The following SH3BGRL2 variants were observed in gnomAD, a reference collection of about 807,000 sequenced individuals.
The protein encoded by SH3BGRL2 is SH3 domain binding glutamate rich protein like 2, also known as SH3 domain-binding glutamic acid-rich-like protein 2.
Under a neutral mutation model 14.8 loss-of-function variants are expected in SH3BGRL2, and 21 were observed. The observed-to-expected ratio is 1.42, with a 90% CI of 1.01 to 2.05. The LOEUF is 2.05. Ranked by LOEUF, SH3BGRL2 falls within the 30% of genes most tolerant of loss-of-function variation. The pLI, the probability that SH3BGRL2 is intolerant of heterozygous loss-of-function variation, is 0.00. For missense variants in SH3BGRL2, 147 were observed against 130.8 expected, an observed-to-expected ratio of 1.12 and a Z score of -0.61; for synonymous variants, 50 against 47.8, an observed-to-expected ratio of 1.05 and a Z score of -0.19.
At chr6:79,581,523 A>G in the SH3BGRL2 span, among the ~76,000 whole-genome samples, 1 of 152,202 alleles carries the variant, frequency 6.6e-6, no homozygotes, top group Admixed American at 6.5e-5. Context: ...ACATAAACAG[A>G]ACCAATGACA....
chr6:79,679,697 C>G (rs2127735131), intron 2 of SH3BGRL2, among the ~76,000 whole-genome samples: 1 of 152,210 alleles, frequency 6.6e-6, no homozygotes, highest in East Asian at 1.9e-4. Flanking sequence ...CCAACATTAC[C>G]TACCAACATT....
upstream of SH3BGRL2, among the ~76,000 whole-genome samples, chr6:79,630,658 A>C (rs1768804333): frequency 6.6e-6 from 1 of 152,120 alleles, no homozygotes; most frequent in Admixed American, 6.5e-5. Flanking sequence ...ATGTTGATAG[A>C]AGGATTCCAA....
At chr6:79,629,939 T>C (rs182209851), upstream of SH3BGRL2, among the ~76,000 whole-genome samples, 21 of 152,332 alleles carry the variant, frequency 1.4e-4, no homozygotes, top group African/African-American at 4.6e-4. Context: ...ATGCTGACTT[T>C]TATAAAGATT....
chr6:79,573,648 T>TA, the SH3BGRL2 span, among the ~76,000 whole-genome samples: 2 of 152,202 alleles, frequency 1.3e-5, no homozygotes, highest in Admixed American at 6.5e-5. Context: ...AGGTCTCTTT[T>TA]AAAGTATCAA....
the SH3BGRL2 span, among the ~76,000 whole-genome samples, chr6:79,581,354 C>T: frequency 6.6e-6 from 1 of 152,082 alleles, no homozygotes; most frequent in Non-Finnish European, 1.5e-5. Context: ...AATTTTAGAC[C>T]AATATCCCTG....
the SH3BGRL2 span, among the ~76,000 whole-genome samples, chr6:79,606,395 A>G: frequency 6.6e-6 from 1 of 152,190 alleles, no homozygotes; most frequent in African/African-American, 2.4e-5. Flanking sequence ...TGAGAGTTAG[A>G]TACCCTTCCT....
intron 2 of SH3BGRL2, among the ~76,000 whole-genome samples, chr6:79,696,148 A>G (rs150810656): frequency 1.3e-5 from 2 of 152,206 alleles, no homozygotes; most frequent in African/African-American, 4.8e-5. Flanking sequence ...CATACTGAAA[A>G]CCTAGAGTAA....
chr6:79,608,940 A>G, the SH3BGRL2 span, among the ~76,000 whole-genome samples: 1 of 152,202 alleles, frequency 6.6e-6, no homozygotes, highest in Non-Finnish European at 1.5e-5. Flanking sequence ...GCAGAGCCCT[A>G]TACTAACAAT....
chr6:79,683,025 G>A (rs987850144), intron 2 of SH3BGRL2, among the ~76,000 whole-genome samples: 1 of 152,132 alleles, frequency 6.6e-6, no homozygotes, highest in Non-Finnish European at 1.5e-5. Context: ...ACAGGGCAGG[G>A]AACATCACAC....
At chr6:79,615,545 C>G in the SH3BGRL2 span, among the ~76,000 whole-genome samples, 11 of 152,274 alleles carry the variant, frequency 7.2e-5, no homozygotes, top group Admixed American at 5.9e-4. Context: ...CCTCAGCATT[C>G]TCATCTATAA....
intron 3 of SH3BGRL2, 75 bp downstream of exon 3, chr6:79,696,640 T>C (rs1770338604): frequency 9.1e-7 from 1 of 1,097,104 alleles, no homozygotes; most frequent in South Asian, 1.6e-5. Flanking sequence ...AGAGTGACGG[T>C]GTTAGAGGAA....
At chr6:79,578,118 A>T in the SH3BGRL2 span, among the ~76,000 whole-genome samples, 1 of 152,222 alleles carries the variant, frequency 6.6e-6, no homozygotes, top group Non-Finnish European at 1.5e-5. Flanking sequence ...AGCAGCCGGG[A>T]AGCTCAAACT....
chr6:79,634,869 GAC>G (rs1264286069), intron 1 of SH3BGRL2, among the ~76,000 whole-genome samples: 1 of 152,162 alleles, frequency 6.6e-6, no homozygotes, highest in Non-Finnish European at 1.5e-5. Context: ...ATATGCATGT[GAC>G]AGCCTTAGGC....
chr6:79,648,555 CTCCCTCCATGCTGTAGATTGT>C (rs1769194428), intron 1 of SH3BGRL2, among the ~76,000 whole-genome samples: 1 of 151,396 alleles, frequency 6.6e-6, no homozygotes, highest in Non-Finnish European at 1.5e-5. Flanking sequence ...TTTCTTCCAC[CTCCCTCCATGCTGTAGATTGT>C]GGAATGTCTT....
At chr6:79,692,087 TG>T (rs1343126858) in intron 2 of SH3BGRL2, among the ~76,000 whole-genome samples, 1 of 152,248 alleles carries the variant, frequency 6.6e-6, no homozygotes, top group African/African-American at 2.4e-5. Context: ...GGTTTTGATT[TG>T]CATTTCTCTA....
the SH3BGRL2 span, among the ~76,000 whole-genome samples, chr6:79,598,628 A>G: frequency 3.9e-5 from 6 of 152,148 alleles, no homozygotes; most frequent in Non-Finnish European, 5.9e-5. Context: ...GCTAATGGGT[A>G]CAGGGTTGCT....
intron 2 of SH3BGRL2, among the ~76,000 whole-genome samples, chr6:79,683,739 G>C (rs1324387244): frequency 6.6e-6 from 1 of 152,128 alleles, no homozygotes; most frequent in Non-Finnish European, 1.5e-5. Context: ...GAGCCACCGT[G>C]CTCGGCCGTA....
At chr6:79,623,798 C>A in the SH3BGRL2 span, among the ~76,000 whole-genome samples, 2 of 152,096 alleles carry the variant, frequency 1.3e-5, no homozygotes, top group Admixed American at 1.3e-4. Flanking sequence ...ATTCAGTAGG[C>A]CCCTCAAAAA....
chr6:79,576,524 T>C, the SH3BGRL2 span, among the ~76,000 whole-genome samples: 1 of 152,214 alleles, frequency 6.6e-6, no homozygotes, highest in Non-Finnish European at 1.5e-5. Flanking sequence ...AAAGTCAGCT[T>C]TGGGTCTAAT....
Sources: allele counts gnomAD v4.1 joint callset (sites outside exome capture counted in the v4.1 genomes callset), GRCh38; gene constraint gnomAD v4.1.1; transcripts MANE v1.5; gene names NCBI Gene and HGNC (gene_info 2026-07-23, HGNC 2026-07-21).